The following COL11A1 variants were observed in gnomAD, a reference collection of about 807,000 sequenced individuals.
The protein encoded by COL11A1 is collagen type XI alpha 1 chain, also known as collagen alpha-1(XI) chain.
A neutral mutation model predicts 265.2 loss-of-function variants in COL11A1; 74 were observed. The ratio of observed to expected loss-of-function variants is 0.28; its 90% CI spans 0.23 to 0.34. The LOEUF (loss-of-function observed/expected upper bound fraction) is 0.34, where lower values mean the gene tolerates loss of function less well. Among genes scored for constraint, COL11A1 ranks in the 10% least tolerant of loss-of-function variants. COL11A1 has a pLI of 1.00. For synonymous variants in COL11A1, 816 were observed against 727.6 expected (o/e 1.12, Z -1.96); for missense variants, 2,165 against 2,263.6 (o/e 0.96, Z 0.88).
rs780965578 is a variant in COL11A1, at chr1:103,026,312, G to A, written c.801C>T (p.Ile267=). 18 of 1,612,484 alleles carry A rather than the reference G, an allele frequency of 1.1e-5. No homozygotes were observed. The highest frequency in any genetic ancestry group is 3.3e-4 in the Middle Eastern group (2 of 6,082). The change falls in exon 6 of 67, where the codon ATC becomes ATT. Residue 267 remains isoleucine (I), a synonymous_variant. Transcript: ENST00000370096. The part of the protein sequence containing the change: ...QIDEYAPEDI[I]EYDYEYGEAE... ...CTTCCCCATACTCATAGTCATATTC[G>A]ATTATATCCTCTGGTGCATACTACA...
chr1:103,083,236 G>GTGTGTC (rs1553253861), intron 1 of COL11A1, among the ~76,000 whole-genome samples: 66 of 73,066 alleles, frequency 9.0e-4, no homozygotes, highest in African/African-American at 2.9e-3. Flanking sequence ...GTGTGTGTGT[G>GTGTGTC]TGTGTCTGTG....
Position 102,970,206 on chromosome 1 carries a change from C to A in COL11A1, c.2862+13G>T. ...AGATGGAAATTTTTAATAAGAGTAA[C>A]AAGGTCACTTACAGTCTCCCCACGT... On this transcript the variant is annotated intron_variant, in intron 37 of 66. Coordinates refer to ENST00000370096, the MANE Select transcript of COL11A1 (RefSeq NM_001854.4). 6.2e-7 allele frequency: 1 copy of A among 1,611,160 alleles called. No homozygotes were observed. Among genetic ancestry groups the A allele is most frequent in the East Asian group, 2.2e-5 (1 of 44,752 alleles).
chr1:102,928,533 C>T (rs1266912394), intron 46 of COL11A1, among the ~76,000 whole-genome samples: 1 of 152,160 alleles, frequency 6.6e-6, no homozygotes. Context: ...CAAGTCTTTG[C>T]TGTTGTCAAT....
intron 31 of COL11A1, among the ~76,000 whole-genome samples, chr1:102,981,157 G>C (rs1246627924): frequency 6.6e-6 from 1 of 151,968 alleles, no homozygotes; most frequent in East Asian, 1.9e-4. Context: ...ATGTTTTCCT[G>C]TATGTTTCAA....
At chr1:102,925,420 T>A (rs1656486836) in intron 46 of COL11A1, among the ~76,000 whole-genome samples, 1 of 152,138 alleles carries the variant, frequency 6.6e-6, no homozygotes, top group Admixed American at 6.5e-5. Flanking sequence ...ACTGAATATA[T>A]TTATATATTT....
chr1:103,049,551 C>T (rs1669610969), intron 4 of COL11A1, among the ~76,000 whole-genome samples: 1 of 152,158 alleles, frequency 6.6e-6, no homozygotes, highest in African/African-American at 2.4e-5. Flanking sequence ...GACTCTTTAT[C>T]CAATTTGCCA....
chr1:102,925,118 A>G (rs890910412), intron 46 of COL11A1, among the ~76,000 whole-genome samples: 1 of 152,120 alleles, frequency 6.6e-6, no homozygotes, highest in Non-Finnish European at 1.5e-5. Context: ...CTTTCGTGAC[A>G]TTACTGACTT....
chr1:103,008,074 A>T (rs920553109), intron 15 of COL11A1, among the ~76,000 whole-genome samples: 9 of 152,142 alleles, frequency 5.9e-5, no homozygotes, highest in Non-Finnish European at 1.2e-4. Context: ...AAAATCCAAA[A>T]CAATTACTGC....
chr1:103,057,196 C>A lies in COL11A1; in HGVS notation c.651+17422G>T, dbSNP rs575348924. ...ACTAACTTTATATAATATTCTAAAT[C>A]CTTTGATGTCATTTAACAATATTCA... On this transcript the variant is annotated intron_variant, in intron 4 of 66. Transcript: ENST00000370096. Among the ~76,000 whole-genome samples, 38 of 152,236 alleles carry A rather than the reference C, an allele frequency of 2.5e-4. No individual in the cohort carries two copies. The East Asian group carries it at 7.3e-3, about 29-fold the overall frequency.
At chr1:103,062,935 A>G (rs1670788378) in intron 4 of COL11A1, among the ~76,000 whole-genome samples, 1 of 152,080 alleles carries the variant, frequency 6.6e-6, no homozygotes, top group Non-Finnish European at 1.5e-5. Flanking sequence ...CATTTTCTTA[A>G]GAAGAATTTG....
At chr1:103,026,967 C>T (rs1029345341) in intron 5 of COL11A1, among the ~76,000 whole-genome samples, 1 of 151,764 alleles carries the variant, frequency 6.6e-6, no homozygotes, top group Non-Finnish European at 1.5e-5. Context: ...TCAAAAAGAG[C>T]ACAAAATCCT....
At chr1:103,107,739 G>A (rs540976751) in intron 1 of COL11A1, among the ~76,000 whole-genome samples, 1 of 152,182 alleles carries the variant, frequency 6.6e-6, no homozygotes, top group South Asian at 2.1e-4. Flanking sequence ...TCAAACAAAA[G>A]CTTTGTATAA....
chr1:102,965,465 G>T, intron 38 of COL11A1, 22 bp downstream of exon 38: 2 of 1,608,560 alleles, frequency 1.2e-6, no homozygotes, highest in African/African-American at 1.3e-5. Flanking sequence ...TCTTGCTTGG[G>T]AAATAAAGCA....
intron 37 of COL11A1, 36 bp from the exon 38 acceptor site, chr1:102,965,576 A>G: frequency 6.4e-7 from 1 of 1,573,364 alleles, no homozygotes. Flanking sequence ...AAAGCTACAT[A>G]CAACACAAAG....
chr1:102,913,478 T>A (rs1233613047), intron 53 of COL11A1, among the ~76,000 whole-genome samples, 159 bp downstream of exon 53: 3 of 152,178 alleles, frequency 2.0e-5, no homozygotes, highest in African/African-American at 7.2e-5. Context: ...CATGTAAGAT[T>A]GATTTTTAAT....
intron 4 of COL11A1, among the ~76,000 whole-genome samples, chr1:103,059,488 G>A (rs529266544): frequency 6.6e-6 from 1 of 152,118 alleles, no homozygotes; most frequent in African/African-American, 2.4e-5. Context: ...AAGGCATACT[G>A]CAAGGAAAAG....
intron 4 of COL11A1, among the ~76,000 whole-genome samples, chr1:103,036,322 G>GTATATATATA (rs3056958): frequency 3.3e-4 from 47 of 140,380 alleles, no homozygotes; most frequent in African/African-American, 1.2e-3. Flanking sequence ...AGTTGCTATC[G>GTATATATATA]TATATATATA....
At chr1:102,887,099 A>G (rs374602203) in intron 62 of COL11A1, 43 bp from the exon 63 acceptor site, 2 of 1,611,364 alleles carry the variant, frequency 1.2e-6, no homozygotes, top group East Asian at 2.2e-5. Context: ...CATAAAGTGG[A>G]ATATTCTGCA....
intron 35 of COL11A1, among the ~76,000 whole-genome samples, chr1:102,978,167 A>T (rs1378876104): frequency 2.0e-5 from 3 of 152,148 alleles, no homozygotes; most frequent in Non-Finnish European, 2.9e-5. Context: ...TTGCCAAAAA[A>T]TCCAAACAAA....
Sources: gnomAD v4.1 joint callset for allele counts (sites outside exome capture counted in the v4.1 genomes callset) on GRCh38, gnomAD v4.1.1 for gene constraint, MANE v1.5 for transcripts, NCBI Gene and HGNC (gene_info 2026-07-23, HGNC 2026-07-21) for gene names.